Variants in LRRC28 observed in about 807,000 individuals in gnomAD.
The protein encoded by LRRC28 is leucine-rich repeat-containing protein 28.
Under a neutral mutation model 45.7 loss-of-function variants are expected in LRRC28, and 39 were observed. The ratio of observed to expected loss-of-function variants is 0.85; its 90% CI spans 0.66 to 1.12. The LOEUF (loss-of-function observed/expected upper bound fraction) is 1.12. Among genes scored for constraint, LRRC28 ranks in the 50% most tolerant of loss-of-function variants. The probability of loss-of-function intolerance (pLI) is 0.00; values close to 1 mark genes in which losing one functional copy is unlikely to be tolerated. For synonymous variants in LRRC28, 206 were observed against 178.8 expected (o/e 1.15, Z -1.22); for missense variants, 435 against 438.5 (o/e 0.99, Z 0.07).
intron 5 of LRRC28, among the ~76,000 whole-genome samples, chr15:99,301,559 C>G (rs1954970466): frequency 6.6e-6 from 1 of 152,156 alleles, no homozygotes; most frequent in Admixed American, 6.6e-5. Flanking sequence ...TACTTGATCC[C>G]TCTGTGTCTC....
chr15:99,386,337 T>A lies in LRRC28; in HGVS notation c.*235T>A. On this transcript the variant is annotated 3_prime_UTR_variant, in exon 10 of 10. Transcript: ENST00000301981. ...TGTTTTTCCTTTTTATGTGAGTGTG[T>A]CTTTTACAGAAACCATTTAGATTGA... 1 of 455,612 alleles carries A rather than the reference T, an allele frequency of 2.2e-6. No homozygotes were observed. The highest frequency in any genetic ancestry group is 3.6e-5 in the Admixed American group (1 of 27,678). 28.2% of individuals were successfully genotyped at this position (455,612 alleles called of 1,614,324 possible).
intron 2 of LRRC28, chr15:99,257,651 G>C: frequency 1.4e-6 from 1 of 725,186 alleles, no homozygotes; most frequent in Admixed American, 1.8e-5. Context: ...GTGGGTGCTG[G>C]GGCCTCTGCT....
At chr15:99,323,044 G>T (rs948014539) in intron 5 of LRRC28, among the ~76,000 whole-genome samples, 1 of 152,150 alleles carries the variant, frequency 6.6e-6, no homozygotes, top group Non-Finnish European at 1.5e-5. Context: ...GGTCCATGAT[G>T]CCTGCCAGTA....
chr15:99,288,031 A>G (rs550122651), intron 5 of LRRC28, 80 bp downstream of exon 5: 12 of 1,334,362 alleles, frequency 9.0e-6, no homozygotes, highest in South Asian at 5.6e-5. Context: ...TGTCTAGGCA[A>G]TGAGCTGTAG....
chr15:99,371,144 TA>T (rs957825509), intron 9 of LRRC28, among the ~76,000 whole-genome samples: 2 of 151,912 alleles, frequency 1.3e-5, no homozygotes, highest in African/African-American at 2.4e-5. Flanking sequence ...TGGCTTCTTG[TA>T]AAAAAAATTT....
At chr15:99,297,786 T>C (rs1274046157) in intron 5 of LRRC28, among the ~76,000 whole-genome samples, 1 of 151,906 alleles carries the variant, frequency 6.6e-6, no homozygotes, top group East Asian at 1.9e-4. Flanking sequence ...TATCAGCTAT[T>C]GTAAAATCTT....
At chr15:99,269,075 GT>G (rs574928357) in intron 2 of LRRC28, among the ~76,000 whole-genome samples, 3 of 151,786 alleles carry the variant, frequency 2.0e-5, no homozygotes, top group Non-Finnish European at 2.9e-5. Flanking sequence ...TGGATGTATA[GT>G]TTTTTTTATT....
At chr15:99,306,998 G>T (rs1431607958) in intron 5 of LRRC28, among the ~76,000 whole-genome samples, 1 of 152,200 alleles carries the variant, frequency 6.6e-6, no homozygotes, top group Middle Eastern at 3.2e-3. Context: ...TCTCCTTCAA[G>T]CCATTACGTG....
chr15:99,350,060 C>T lies in LRRC28; in HGVS notation c.593-2309C>T, dbSNP rs918898831. 5.4e-5 allele frequency among the ~76,000 whole-genome samples: 8 copies of T among 147,556 alleles called. No individual in the cohort carries two copies. In the East Asian group the frequency reaches 8.0e-4, roughly 15 times the overall value. On this transcript the variant is annotated intron_variant, in intron 6 of 9. Coordinates refer to ENST00000301981, the MANE Select transcript of LRRC28 (RefSeq NM_144598.5). The stretch of plus-strand genomic sequence containing the variant: ...CTGAGGCAGGAGAATGGCGTGAACC[C>T]GGGAAGCGGAGCTTGCAGTGAGCTG...
At chr15:99,293,656 A>G (rs1372646210) in intron 5 of LRRC28, among the ~76,000 whole-genome samples, 2 of 141,208 alleles carry the variant, frequency 1.4e-5, no homozygotes, top group Admixed American at 7.5e-5. Flanking sequence ...TTACCTGAAT[A>G]TTCACCATTT....
chr15:99,295,194 C>T (rs2082231909), intron 5 of LRRC28, among the ~76,000 whole-genome samples: 2 of 152,220 alleles, frequency 1.3e-5, no homozygotes, highest in South Asian at 2.1e-4. Context: ...GATTGCTTCC[C>T]TGCCTTCTTT....
At chr15:99,328,490 A>C (rs533040188) in intron 5 of LRRC28, among the ~76,000 whole-genome samples, 8 of 152,176 alleles carry the variant, frequency 5.3e-5, no homozygotes, top group Admixed American at 5.2e-4. Flanking sequence ...GGTGTGGTTT[A>C]AGGAGACACA....
chr15:99,319,328 A>C (rs1217646076), intron 5 of LRRC28, among the ~76,000 whole-genome samples: 2 of 152,190 alleles, frequency 1.3e-5, no homozygotes, highest in Non-Finnish European at 2.9e-5. Context: ...AAATCTGGGT[A>C]TGTGGTCTCC....
intron 6 of LRRC28, among the ~76,000 whole-genome samples, chr15:99,337,229 A>G (rs554107613): frequency 6.6e-6 from 1 of 152,302 alleles, no homozygotes; most frequent in Admixed American, 6.5e-5. Context: ...CCAAGGTGGC[A>G]GTGTTGTTGG....
chr15:99,308,721 A>G (rs892210771), intron 5 of LRRC28, among the ~76,000 whole-genome samples: 1 of 152,188 alleles, frequency 6.6e-6, no homozygotes, highest in African/African-American at 2.4e-5. Context: ...TTATAATACT[A>G]TATTATTTAT....
intron 9 of LRRC28, among the ~76,000 whole-genome samples, chr15:99,368,337 G>A (rs1957395241): frequency 1.3e-5 from 2 of 152,188 alleles, no homozygotes; most frequent in African/African-American, 4.8e-5. Flanking sequence ...GAATAGGATA[G>A]ACATTCCTAT....
At chr15:99,338,787 G>A (rs1956410428) in intron 6 of LRRC28, among the ~76,000 whole-genome samples, 1 of 152,188 alleles carries the variant, frequency 6.6e-6, no homozygotes, top group South Asian at 2.1e-4. Context: ...TTATAATACT[G>A]TCTAACCCAT....
At chr15:99,292,654 G>C (rs1013512818) in intron 5 of LRRC28, among the ~76,000 whole-genome samples, 1 of 152,290 alleles carries the variant, frequency 6.6e-6, no homozygotes, top group Admixed American at 6.5e-5. Context: ...GTGAGCCACC[G>C]CGCCCAGCCT....
chr15:99,279,209 C>A (rs1007248097), intron 3 of LRRC28, among the ~76,000 whole-genome samples: 3 of 152,160 alleles, frequency 2.0e-5, no homozygotes, highest in Admixed American at 6.5e-5. Context: ...AAGGTTTATT[C>A]ATGTTGTAGC....
Sources: allele counts gnomAD v4.1 joint callset (sites outside exome capture counted in the v4.1 genomes callset), GRCh38; gene constraint gnomAD v4.1.1; transcripts MANE v1.5; gene names NCBI Gene and HGNC (gene_info 2026-07-23, HGNC 2026-07-21).